The following FAM227B variants were observed in gnomAD, a reference collection of about 807,000 sequenced individuals.
The protein encoded by FAM227B is family with sequence similarity 227 member B, also known as protein FAM227B.
A neutral mutation model predicts 73.8 loss-of-function variants in FAM227B; 88 were observed. That is an observed-to-expected ratio of 1.19 (90% CI 1.00 to 1.42). The LOEUF (loss-of-function observed/expected upper bound fraction) is 1.42, where lower values mean the gene tolerates loss of function less well. FAM227B is among the 40% of genes most tolerant of loss of function. The pLI, the probability that FAM227B is intolerant of heterozygous loss-of-function variation, is 0.00. For synonymous variants in FAM227B, 210 were observed against 190.5 expected (o/e 1.10, Z -0.84); for missense variants, 632 against 590.9 (o/e 1.07, Z -0.72).
chr15:49,569,258 C>T, intron 8 of FAM227B, among the ~76,000 whole-genome samples: 1 of 148,598 alleles, frequency 6.7e-6, no homozygotes, highest in African/African-American at 2.4e-5. Flanking sequence ...ATAGTCTTCC[C>T]TATTTTTTAA....
chr15:49,471,377 G>A (rs2054733746), intron 11 of FAM227B, among the ~76,000 whole-genome samples: 1 of 151,762 alleles, frequency 6.6e-6, no homozygotes, highest in Non-Finnish European at 1.5e-5. Flanking sequence ...CAGCTACTCA[G>A]GAGGCTGAAG....
chr15:49,513,361 T>C (rs1381893789), intron 10 of FAM227B, among the ~76,000 whole-genome samples: 1 of 152,202 alleles, frequency 6.6e-6, no homozygotes, highest in Non-Finnish European at 1.5e-5. Flanking sequence ...ATCAGTGATG[T>C]TGAGCTTTTT....
At chr15:49,551,960 A>G (rs551824592) in intron 9 of FAM227B, among the ~76,000 whole-genome samples, 1 of 152,310 alleles carries the variant, frequency 6.6e-6, no homozygotes, top group East Asian at 1.9e-4. Flanking sequence ...TGTTGAAATT[A>G]TAATTTTTGA....
At chr15:49,330,939 T>A (rs2038599883) in intron 15 of FAM227B, 1 of 152,216 alleles carries the variant, frequency 6.6e-6, no homozygotes, top group Non-Finnish European at 1.5e-5. Flanking sequence ...GGGAGACAGG[T>A]GACAGAGTGA....
At chr15:49,591,989 T>C (rs542102168) in intron 3 of FAM227B, among the ~76,000 whole-genome samples, 4 of 152,344 alleles carry the variant, frequency 2.6e-5, no homozygotes, top group African/African-American at 7.2e-5. Flanking sequence ...GTGCACGTCA[T>C]GAAGTTCTCA....
chr15:49,559,192 A>T (rs1309608522), intron 9 of FAM227B, among the ~76,000 whole-genome samples: 2 of 152,186 alleles, frequency 1.3e-5, no homozygotes, highest in Non-Finnish European at 2.9e-5. Flanking sequence ...TATGTAGGAT[A>T]GGAAGCTGGT....
chr15:49,440,836 A>T (rs2051567928), intron 11 of FAM227B, among the ~76,000 whole-genome samples: 1 of 151,728 alleles, frequency 6.6e-6, no homozygotes, highest in Non-Finnish European at 1.5e-5. Flanking sequence ...TTTGTTATAT[A>T]ACATTCTGAA....
chr15:49,545,170 C>T (rs1206410938), intron 9 of FAM227B, among the ~76,000 whole-genome samples: 1 of 152,072 alleles, frequency 6.6e-6, no homozygotes, highest in Non-Finnish European at 1.5e-5. Flanking sequence ...CTGTTTCAAT[C>T]TCACTACTTG....
intron 11 of FAM227B, among the ~76,000 whole-genome samples, chr15:49,393,406 CG>C (rs1309725096): frequency 1.3e-5 from 2 of 152,082 alleles, no homozygotes; most frequent in African/African-American, 4.8e-5. Flanking sequence ...ATATTTCCAT[CG>C]GAATGTTTAC....
chr15:49,458,283 A>AC (rs141562492), intron 11 of FAM227B, among the ~76,000 whole-genome samples: 6,960 of 151,596 alleles, frequency 0.046, 233 homozygotes, highest in Middle Eastern at 0.072. Context: ...GAGAAAAAGA[A>AC]CCCCCCCACG....
At chr15:49,431,470 G>A (rs1192890596) in intron 11 of FAM227B, among the ~76,000 whole-genome samples, 1 of 151,728 alleles carries the variant, frequency 6.6e-6, no homozygotes, top group African/African-American at 2.4e-5. Context: ...TGAGAGAGGA[G>A]AATTATCCAG....
intron 13 of FAM227B, among the ~76,000 whole-genome samples, chr15:49,350,844 G>A (rs966476414): frequency 2.0e-5 from 3 of 152,130 alleles, no homozygotes; most frequent in African/African-American, 4.8e-5. Flanking sequence ...CCAATGGTAG[G>A]GATAAATGGG....
intron 11 of FAM227B, among the ~76,000 whole-genome samples, chr15:49,440,294 G>A (rs1432942860): frequency 1.3e-5 from 2 of 151,498 alleles, no homozygotes; most frequent in African/African-American, 4.8e-5. Context: ...TTCCCCTTTT[G>A]TTCTCCCACC....
At chr15:49,479,599 G>GTTTTTTTGT (rs2055712240) in intron 11 of FAM227B, among the ~76,000 whole-genome samples, 2 of 63,292 alleles carry the variant, frequency 3.2e-5, no homozygotes, top group African/African-American at 1.3e-4. Flanking sequence ...TAATACCTCT[G>GTTTTTTTGT]TTTTTTTTTT....
chr15:49,608,369 G>C (rs2077657994), intron 3 of FAM227B, among the ~76,000 whole-genome samples: 1 of 152,094 alleles, frequency 6.6e-6, no homozygotes, highest in South Asian at 2.1e-4. Context: ...ACTAGAGATG[G>C]AGAAGGGAGA....
chr15:49,510,751 T>A (rs1567444280), intron 10 of FAM227B, among the ~76,000 whole-genome samples: 1 of 152,136 alleles, frequency 6.6e-6, no homozygotes, highest in Non-Finnish European at 1.5e-5. Flanking sequence ...TTTTCTCCAA[T>A]AACTTGATGA....
At chr15:49,608,410 T>C (rs985384355) in intron 3 of FAM227B, among the ~76,000 whole-genome samples, 4 of 151,978 alleles carry the variant, frequency 2.6e-5, no homozygotes, top group African/African-American at 9.7e-5. Flanking sequence ...TCGTGGAGTT[T>C]AGAGAGGAAT....
chr15:49,396,132 GGT>G (rs1567204906), intron 11 of FAM227B: 2 of 384,700 alleles, frequency 5.2e-6, no homozygotes, highest in South Asian at 1.9e-5. Flanking sequence ...CAGGTCAGTG[GGT>G]GTGCTCACCG....
chr15:49,592,440 G>A (rs1170784083), intron 3 of FAM227B, among the ~76,000 whole-genome samples: 2 of 152,244 alleles, frequency 1.3e-5, no homozygotes, highest in African/African-American at 4.8e-5. Context: ...CTGCAGGTCT[G>A]TTGGAGTTTG....
Sources: gnomAD v4.1 joint callset for allele counts (sites outside exome capture counted in the v4.1 genomes callset) on GRCh38, gnomAD v4.1.1 for gene constraint, MANE v1.5 for transcripts, NCBI Gene and HGNC (gene_info 2026-07-23, HGNC 2026-07-21) for gene names.